DGKH: variants seen among roughly 807,000 people sequenced by gnomAD.
DGKH encodes DAG kinase eta.
DGKH carries 90 observed loss-of-function variants against 159.3 expected under a neutral mutation model. That is an observed-to-expected ratio of 0.57 (90% CI 0.48 to 0.67). The LOEUF (loss-of-function observed/expected upper bound fraction) is 0.67. DGKH is among the 30% of genes least tolerant of loss of function. DGKH has a pLI of 0.00. For missense variants in DGKH, 1,181 were observed against 1,506.1 expected (o/e 0.78, Z 3.57); for synonymous variants, 536 against 553.8 (o/e 0.97, Z 0.45).
At chr13:42,088,622 CTA>C (rs1491367173) in intron 1 of DGKH, among the ~76,000 whole-genome samples, 1 of 150,992 alleles carries the variant, frequency 6.6e-6, no homozygotes, top group Non-Finnish European at 1.5e-5. Context: ...AATAGAAACA[CTA>C]AAAAAAAGAG....
intron 20 of DGKH, among the ~76,000 whole-genome samples, chr13:42,203,357 A>G (rs1257719637): frequency 6.6e-6 from 1 of 152,220 alleles, no homozygotes; most frequent in East Asian, 1.9e-4. Context: ...CCATAAGACA[A>G]TTTGTAATTA....
chr13:42,237,421 A>G lies in DGKH; in HGVS notation c.*8233A>G, dbSNP rs889136963. 1 of 152,214 alleles carries G rather than the reference A, an allele frequency of 6.6e-6. No individual in the cohort carries two copies. Among genetic ancestry groups the G allele is most frequent in the Non-Finnish European group, 1.5e-5 (1 of 68,034 alleles). The allele number at this position is 152,214 out of a possible 1,614,324, so 9.4% of individuals were successfully genotyped here. On this transcript the variant is annotated 3_prime_UTR_variant, in exon 30 of 30. Coordinates refer to ENST00000337343, the MANE Select transcript of DGKH (RefSeq NM_178009.5). ...GGGGGAAAAAAAGAAAACTGGTGAG[A>G]GAAATTACATGGAAATTATAGGAAA...
chr13:42,188,693 G>T (rs4272927), intron 14 of DGKH, among the ~76,000 whole-genome samples: 18,160 of 152,118 alleles, frequency 0.12, 1,541 homozygotes, highest in East Asian at 0.4. Flanking sequence ...TTATAAAGAT[G>T]TTTTTCCCCA....
At chr13:42,136,340 C>A (rs978058676) in intron 3 of DGKH, among the ~76,000 whole-genome samples, 14 of 152,148 alleles carry the variant, frequency 9.2e-5, no homozygotes, top group African/African-American at 3.1e-4. Context: ...ACTTTTATCT[C>A]ATATTAATAA....
intron 1 of DGKH, among the ~76,000 whole-genome samples, chr13:42,055,821 T>C (rs1231989050): frequency 2.0e-5 from 3 of 152,244 alleles, no homozygotes; most frequent in Non-Finnish European, 2.9e-5. Flanking sequence ...TTGTTGGATA[T>C]TGAGTATTTT....
chr13:42,040,317 C>T (rs1335952046), intron 1 of DGKH, among the ~76,000 whole-genome samples: 4 of 152,142 alleles, frequency 2.6e-5, no homozygotes, highest in Non-Finnish European at 5.9e-5. Context: ...CGGTGGCCAG[C>T]CTAGCCCAGC....
At chr13:42,187,827 T>G (rs1956969174) in intron 14 of DGKH, among the ~76,000 whole-genome samples, 1 of 152,212 alleles carries the variant, frequency 6.6e-6, no homozygotes, top group Non-Finnish European at 1.5e-5. Flanking sequence ...TCCTAGACAT[T>G]ACAATTCTTG....
At chr13:42,246,193 A>C (rs1310298887), downstream of DGKH, among the ~76,000 whole-genome samples, 1 of 152,206 alleles carries the variant, frequency 6.6e-6, no homozygotes, top group African/African-American at 2.4e-5. Flanking sequence ...TGCCACCACC[A>C]GTACGTTCAC....
chr13:42,143,794 T>C (rs1340251978), intron 3 of DGKH, among the ~76,000 whole-genome samples: 1 of 152,196 alleles, frequency 6.6e-6, no homozygotes, highest in East Asian at 1.9e-4. Flanking sequence ...CTCTCTTTTT[T>C]TCTTTATTAG....
chr13:42,223,213 C>T (rs570427022), intron 29 of DGKH, among the ~76,000 whole-genome samples: 2 of 152,250 alleles, frequency 1.3e-5, no homozygotes, highest in East Asian at 3.9e-4. Context: ...TTGTAGCTGT[C>T]AGCAGCGGCA....
intron 3 of DGKH, among the ~76,000 whole-genome samples, chr13:42,132,016 A>G (rs377088129): frequency 6.6e-6 from 1 of 152,206 alleles, no homozygotes; most frequent in East Asian, 1.9e-4. Context: ...CACCAGTCCT[A>G]CTAGTAGGAT....
chr13:42,095,837 A>G (rs992127888), intron 1 of DGKH, among the ~76,000 whole-genome samples: 4 of 152,228 alleles, frequency 2.6e-5, no homozygotes, highest in African/African-American at 9.6e-5. Context: ...GGAAGTAACT[A>G]TGCATTTGTT....
At chr13:42,069,527 G>T (rs148650424) in intron 1 of DGKH, 16,573 of 1,595,384 alleles carry the variant, frequency 0.01, 127 homozygotes, top group Non-Finnish European at 0.012. Flanking sequence ...TCAAATCCCT[G>T]ATTCTTTTCC....
At chr13:42,214,757 C>A (rs1957746875) in intron 25 of DGKH, 145 bp downstream of exon 25, 1 of 547,170 alleles carries the variant, frequency 1.8e-6, no homozygotes. Context: ...AAATCGTGGA[C>A]AACTTTTTAT....
chr13:42,110,284 C>G (rs186997783), intron 1 of DGKH, among the ~76,000 whole-genome samples: 12 of 152,324 alleles, frequency 7.9e-5, no homozygotes, highest in Non-Finnish European at 1.2e-4. Flanking sequence ...CCAGCTCCTC[C>G]TGCAGCCACA....
rs1381413759 is a variant in DGKH, at chr13:42,224,887, G to C, written c.3573+3493G>C. 5.2e-5 allele frequency among the ~76,000 whole-genome samples: 7 copies of C among 134,844 alleles called. No individual in the cohort carries two copies. In the East Asian group the frequency reaches 1.4e-3, roughly 27 times the overall value. The allele number at this position is 134,844 out of a possible 152,430, so 88.5% of individuals were successfully genotyped here. On this transcript the variant is annotated intron_variant, in intron 29 of 29. Coordinates refer to ENST00000337343, the MANE Select transcript of DGKH (RefSeq NM_178009.5). ...ATAGTAACATGACAGTCTAAAGTTG[G>C]GAAAAGGAAAAAAAAAATATATATA...
intron 3 of DGKH, among the ~76,000 whole-genome samples, chr13:42,145,779 C>G (rs908337098): frequency 3.9e-5 from 6 of 152,164 alleles, no homozygotes; most frequent in African/African-American, 1.4e-4. Context: ...TTGTAATAAT[C>G]TAGCATAACA....
At chr13:42,218,410 ATTC>A (rs1320292154) in intron 26 of DGKH, among the ~76,000 whole-genome samples, 2 of 150,832 alleles carry the variant, frequency 1.3e-5, no homozygotes, top group Non-Finnish European at 3.0e-5. Context: ...CCTTAAGCCT[ATTC>A]TTTAAATTTT....
In DGKH at chr13:42,237,920, A is replaced by T. The variant is rs962305203; in HGVS notation, c.*8732A>T. 9 of 152,246 alleles carry T rather than the reference A, an allele frequency of 5.9e-5. No individual in the cohort carries two copies. Among genetic ancestry groups the T allele is most frequent in the Non-Finnish European group, 7.3e-5 (5 of 68,044 alleles). 9.4% of individuals were successfully genotyped at this position (152,246 alleles called of 1,614,324 possible). The stretch of plus-strand genomic sequence containing the variant: ...TTTCTTAAACTTGCCAAGTATTAGC[A>T]ATGATAATTGCTAAATGGATTTTTT... On this transcript the variant is annotated 3_prime_UTR_variant, in exon 30 of 30. Transcript: ENST00000337343.
Sources: allele counts gnomAD v4.1 joint callset (sites outside exome capture counted in the v4.1 genomes callset), GRCh38; gene constraint gnomAD v4.1.1; transcripts MANE v1.5; gene names NCBI Gene and HGNC (gene_info 2026-07-23, HGNC 2026-07-21).